Variants in SCNN1G observed in about 807,000 individuals in gnomAD.
SCNN1G encodes epithelial sodium channel subunit gamma.
Under a neutral mutation model 64.6 loss-of-function variants are expected in SCNN1G, and 27 were observed. The observed-to-expected ratio is 0.42, with a 90% CI of 0.31 to 0.58. The LOEUF is 0.58. Ranked by LOEUF, SCNN1G falls within the 20% of genes least tolerant of loss-of-function variation. SCNN1G has a pLI of 0.18. For synonymous variants in SCNN1G, 330 were observed against 314.2 expected, an observed-to-expected ratio of 1.05 and a Z score of -0.53; for missense variants, 743 against 823.4, an observed-to-expected ratio of 0.90 and a Z score of 1.19.
intron 9 of SCNN1G, 23 bp from the exon 10 acceptor site, chr16:23,212,814 C>T (rs1174656707): frequency 2.5e-6 from 4 of 1,613,856 alleles, no homozygotes; most frequent in East Asian, 4.5e-5. Context: ...TGCCTACACT[C>T]ATGCTGTCCC....
At chr16:23,208,684 T>A (rs935748609) in intron 6 of SCNN1G, among the ~76,000 whole-genome samples, 1 of 150,276 alleles carries the variant, frequency 6.7e-6, no homozygotes, top group Middle Eastern at 3.2e-3. Flanking sequence ...TTCTTTCTTT[T>A]CTTTTTTCCT....
intron 3 of SCNN1G, among the ~76,000 whole-genome samples, chr16:23,192,034 A>G (rs1055635974): frequency 6.6e-6 from 1 of 152,138 alleles, no homozygotes; most frequent in African/African-American, 2.4e-5. Context: ...TTAGGAACGT[A>G]GTAGCATCAA....
intron 5 of SCNN1G, chr16:23,196,413 T>C (rs913889521): frequency 6.6e-6 from 1 of 152,136 alleles, no homozygotes; most frequent in African/African-American, 2.4e-5. Context: ...CCTTGATAGA[T>C]GCAGCCAGGT....
chr16:23,215,015 G>A lies in SCNN1G; in HGVS notation c.1570-74G>A, dbSNP rs1199705999. 4 of 1,573,136 alleles carry A rather than the reference G, an allele frequency of 2.5e-6. No individual in the cohort carries two copies. The Admixed American group carries it at 5.1e-5, about 20-fold the overall frequency. ...TCGGGGCTGACCCGTGGCTCCCTTG[G>A]GAATCAGGGTTCCTGTGTGAGGCCA... On this transcript the variant is annotated intron_variant, in intron 12 of 12. Transcript: ENST00000300061.
At chr16:23,193,503 T>C (rs1383351375) in intron 4 of SCNN1G, among the ~76,000 whole-genome samples, 6 of 151,880 alleles carry the variant, frequency 4.0e-5, no homozygotes, top group African/African-American at 1.5e-4. Flanking sequence ...CAAAAACTTA[T>C]CTGGGCATAA....
intron 6 of SCNN1G, among the ~76,000 whole-genome samples, chr16:23,208,616 C>T (rs1960029453): frequency 6.8e-6 from 1 of 147,838 alleles, no homozygotes; most frequent in Admixed American, 6.8e-5. Context: ...CCCTCCCCTC[C>T]CCTCCCCTTC....
rs778831988 is a variant in SCNN1G at position 23,213,160 on chromosome 16, A to G, written c.1490A>G (p.Asn497Ser). ...GGCCGGCAAGTAAACAAAAAGCTCA[A>G]CAAGTAAGTTACCTCTACCCTGTTC... The part of the protein sequence containing the change: ...DQGRQVNKKL[N>S]KTDLAKLLIF... Residue 497 changes from asparagine (N) to serine (S), a missense_variant, in exon 11 of 13, where the codon AAC becomes AGC. Transcript: ENST00000300061. The G allele has an allele frequency of 2.8e-5, 45 of 1,610,266 alleles. No individual in the cohort carries two copies. Among genetic ancestry groups the G allele is most frequent in the East Asian group, 2.0e-4 (9 of 44,776 alleles).
intron 4 of SCNN1G, among the ~76,000 whole-genome samples, chr16:23,193,894 G>A (rs1457771865): frequency 1.3e-5 from 2 of 152,142 alleles, no homozygotes; most frequent in Non-Finnish European, 1.5e-5. Flanking sequence ...GGAATTTGGG[G>A]ACAGACATGG....
rs531301486 is a variant in SCNN1G at position 23,198,035 on chromosome 16, C to T, written c.1077+608C>T. ...CAGTAATACAAACAGATAAGATTAC[C>T]GTCTATCTTTCTGGGCTGCTTAGAG... On this transcript the variant is annotated intron_variant, in intron 6 of 12. Transcript: ENST00000300061. Among the ~76,000 whole-genome samples the T allele has an allele frequency of 7.9e-4, 120 of 152,204 alleles. 1 individual carries two copies. Among genetic ancestry groups the T allele is most frequent in the Admixed American group, 6.0e-3 (92 of 15,288 alleles).
rs958845607 is a variant in SCNN1G, at chr16:23,202,703, T to C, written c.1077+5276T>C. Among the ~76,000 whole-genome samples the C allele has an allele frequency of 5.9e-5, 9 of 152,200 alleles. No homozygotes were observed. The Middle Eastern group carries it at 0.014, about 230-fold the overall frequency. On this transcript the variant is annotated intron_variant, in intron 6 of 12. Transcript: ENST00000300061. ...CAGAGGAAATAGATTTCACGGATAT[T>C]ATAGCACAGAAGCAACAGGACTTGA...
chr16:23,190,294 GGAAA>G (rs1332618706), intron 3 of SCNN1G, among the ~76,000 whole-genome samples: 1 of 149,568 alleles, frequency 6.7e-6, no homozygotes. Context: ...AGAAAAGAAA[GGAAA>G]GAAAGGAAAG....
At position 23,215,797 on chromosome 16, in the gene SCNN1G, G is replaced by A. The variant is rs56153525; in HGVS notation, c.*328G>A. The A allele has an allele frequency of 2.2e-3, 908 of 412,516 alleles. 3 individuals carry two copies. Among genetic ancestry groups the A allele is most frequent in the Non-Finnish European group, 3.4e-3 (747 of 221,328 alleles). The allele number at this position is 412,516 out of a possible 1,614,324, so 25.6% of individuals were successfully genotyped here. A position where few individuals can be genotyped will look rare whatever the true frequency, so the allele number is the denominator to read the frequency against. ...AGTGAGGACTGATGCAGCTCTTTAC[G>A]GGTCTTGAGAGGGAAGGACTCTTCC... On this transcript the variant is annotated 3_prime_UTR_variant, in exon 13 of 13. Transcript: ENST00000300061.
chr16:23,200,995 A>G (rs1959879557), intron 6 of SCNN1G, among the ~76,000 whole-genome samples: 1 of 152,228 alleles, frequency 6.6e-6, no homozygotes, highest in Non-Finnish European at 1.5e-5. Context: ...TTGTTCCAGC[A>G]TGGGAGGGAA....
intron 6 of SCNN1G, among the ~76,000 whole-genome samples, chr16:23,203,761 C>T (rs949217068): frequency 9.3e-6 from 1 of 108,004 alleles, no homozygotes; most frequent in African/African-American, 3.5e-5. Flanking sequence ...CAGAGTGAGA[C>T]TCCGTCTCAA....
chr16:23,184,197 G>A (rs551013827), intron 1 of SCNN1G, among the ~76,000 whole-genome samples: 12 of 93,902 alleles, frequency 1.3e-4, no homozygotes, highest in Non-Finnish European at 1.8e-4. Context: ...CCTTCACTTG[G>A]GGGCTCCTCT....
chr16:23,195,300 T>C (rs1331435405), intron 5 of SCNN1G, among the ~76,000 whole-genome samples: 1 of 152,176 alleles, frequency 6.6e-6, no homozygotes, highest in East Asian at 1.9e-4. Flanking sequence ...TCTACCACCA[T>C]TGCTGCTGCT....
Position 23,183,137 on chromosome 16 carries a change from C to A in SCNN1G, c.-45+324C>A, listed in dbSNP as rs72646483. On this transcript the variant is annotated intron_variant, in intron 1 of 12. Transcript: ENST00000300061. ...CCCCCTTCCCTGCCGGGGTGAGTCG[C>A]GTGGACCTGTCCGCTACTGTTCCTT... Among the ~76,000 whole-genome samples the A allele has an allele frequency of 5.0e-3, 758 of 152,352 alleles. 5 individuals are homozygous for A. The highest frequency in any genetic ancestry group is 0.017 in the South Asian group (81 of 4,830).
chr16:23,187,004 C>T (rs893011959), intron 2 of SCNN1G, among the ~76,000 whole-genome samples: 1 of 151,736 alleles, frequency 6.6e-6, no homozygotes, highest in African/African-American at 2.4e-5. Flanking sequence ...TTTCACCATG[C>T]TTGGCCAGGC....
chr16:23,213,979 C>T (rs1960121417), intron 11 of SCNN1G, among the ~76,000 whole-genome samples: 1 of 152,238 alleles, frequency 6.6e-6, no homozygotes. Flanking sequence ...GCAAGAACGA[C>T]CCTCCACTGT....
Sources: gnomAD v4.1 joint callset for allele counts (sites outside exome capture counted in the v4.1 genomes callset) on GRCh38, gnomAD v4.1.1 for gene constraint, MANE v1.5 for transcripts, NCBI Gene and HGNC (gene_info 2026-07-23, HGNC 2026-07-21) for gene names.